INPP4A: variants seen among roughly 807,000 people sequenced by gnomAD.
INPP4A encodes inositol polyphosphate-4-phosphatase type I A.
Under a neutral mutation model 119.8 loss-of-function variants are expected in INPP4A, and 33 were observed. That is an observed-to-expected ratio of 0.28 (90% CI 0.21 to 0.37). The LOEUF (loss-of-function observed/expected upper bound fraction) is 0.37, where lower values mean the gene tolerates loss of function less well. Ranked by LOEUF, INPP4A falls within the 10% of genes least tolerant of loss-of-function variation. INPP4A has a pLI of 1.00. For missense variants in INPP4A, 956 were observed against 1,289.9 expected, an observed-to-expected ratio of 0.74 and a Z score of 3.97; for synonymous variants, 496 against 500.7, an observed-to-expected ratio of 0.99 and a Z score of 0.12.
At chr2:98,530,906 C>G (rs190210961) in intron 4 of INPP4A, among the ~76,000 whole-genome samples, 1 of 152,296 alleles carries the variant, frequency 6.6e-6, no homozygotes, top group East Asian at 1.9e-4. Flanking sequence ...GCTCACAGTT[C>G]TGGAACCTGA....
At chr2:98,448,708 TC>T (rs1386008500) in intron 1 of INPP4A, among the ~76,000 whole-genome samples, 1,924 of 86,086 alleles carry the variant, frequency 0.022, 45 homozygotes, top group African/African-American at 0.067. Flanking sequence ...TCTCTCTCTC[TC>T]TTTTTTTTTT....
chr2:98,446,402 C>T (rs1367027591), intron 1 of INPP4A, among the ~76,000 whole-genome samples: 2 of 151,866 alleles, frequency 1.3e-5, no homozygotes, highest in Non-Finnish European at 2.9e-5. Context: ...ATGATGGGGC[C>T]CATGTAAGAA....
intron 1 of INPP4A, among the ~76,000 whole-genome samples, chr2:98,469,302 G>C (rs1275801826): frequency 1.3e-5 from 2 of 152,038 alleles, no homozygotes; most frequent in Non-Finnish European, 2.9e-5. Context: ...TTCAAGACCA[G>C]CCTGGCCAAG....
chr2:98,446,687 G>A (rs947627329), intron 1 of INPP4A, among the ~76,000 whole-genome samples: 2 of 152,132 alleles, frequency 1.3e-5, no homozygotes, highest in South Asian at 2.1e-4. Flanking sequence ...TACTCATCAT[G>A]TAGCTACTTT....
chr2:98,543,011 C>T (rs1477867509), intron 10 of INPP4A, among the ~76,000 whole-genome samples: 1 of 152,044 alleles, frequency 6.6e-6, no homozygotes, highest in Non-Finnish European at 1.5e-5. Flanking sequence ...GCCCCGCCTC[C>T]CAGGTTCACG....
chr2:98,572,356 C>T (rs905041382), intron 22 of INPP4A, among the ~76,000 whole-genome samples: 11 of 152,328 alleles, frequency 7.2e-5, no homozygotes, highest in Admixed American at 2.0e-4. Context: ...CTGGCATGGG[C>T]CAAGGGCCCC....
rs772771139 is a variant in INPP4A at position 98,591,121 on chromosome 2, C to G, written c.*3513C>G. 1.6e-5 allele frequency: 3 copies of G among 190,082 alleles called. No individual in the cohort carries two copies. Among genetic ancestry groups the G allele is most frequent in the African/African-American group, 2.3e-5 (1 of 42,976 alleles). The allele number at this position is 190,082 out of a possible 1,614,324, so 11.8% of individuals were successfully genotyped here. A position where few individuals can be genotyped will look rare whatever the true frequency, so the allele number is the denominator to read the frequency against. On this transcript the variant is annotated 3_prime_UTR_variant, in exon 25 of 25. Coordinates refer to ENST00000409851, the MANE Select transcript of INPP4A (RefSeq NM_001134225.2). ...GTATTTTAAATGGTTTATGTAGTCA[C>G]ATATACCTGTCTTTCATTTTGATGC...
chr2:98,498,298 T>C (rs780168635), intron 1 of INPP4A, among the ~76,000 whole-genome samples: 9 of 151,936 alleles, frequency 5.9e-5, no homozygotes, highest in Non-Finnish European at 1.0e-4. Flanking sequence ...TCTCATGAGA[T>C]CTGATGGTTT....
At chr2:98,447,365 CT>C (rs3835900) in intron 1 of INPP4A, among the ~76,000 whole-genome samples, 5 of 150,848 alleles carry the variant, frequency 3.3e-5, no homozygotes, top group Admixed American at 3.3e-4. Context: ...TTCGAAACGG[CT>C]TTTTTTTTCA....
chr2:98,506,248 A>G (rs1471836649), intron 1 of INPP4A, among the ~76,000 whole-genome samples: 1 of 152,242 alleles, frequency 6.6e-6, no homozygotes, highest in African/African-American at 2.4e-5. Flanking sequence ...AGCATTTGGT[A>G]GTAGTCGAAT....
chr2:98,500,284 A>T (rs1173684629), intron 1 of INPP4A, among the ~76,000 whole-genome samples: 3 of 152,176 alleles, frequency 2.0e-5, no homozygotes, highest in African/African-American at 7.2e-5. Context: ...AGGTTCCAAC[A>T]GCCAGCAGCT....
At chr2:98,452,408 A>G (rs1321773075) in intron 1 of INPP4A, among the ~76,000 whole-genome samples, 1 of 152,230 alleles carries the variant, frequency 6.6e-6, no homozygotes, top group Non-Finnish European at 1.5e-5. Context: ...CTGTGCTTTA[A>G]GAAGACTTCC....
intron 1 of INPP4A, among the ~76,000 whole-genome samples, chr2:98,511,729 A>G (rs1685156287): frequency 1.3e-5 from 2 of 152,142 alleles, no homozygotes; most frequent in Admixed American, 6.5e-5. Flanking sequence ...AGGCGAGGAA[A>G]CTGATGCACA....
At chr2:98,563,424 A>ATC in intron 17 of INPP4A, 41 bp from the exon 18 acceptor site, 1 of 1,573,186 alleles carries the variant, frequency 6.4e-7, no homozygotes, top group Non-Finnish European at 8.7e-7. Flanking sequence ...AATTCTTAAA[A>ATC]TCTCTCTCTC....
At chr2:98,498,002 C>T (rs998666769) in intron 1 of INPP4A, among the ~76,000 whole-genome samples, 15 of 152,320 alleles carry the variant, frequency 9.8e-5, no homozygotes, top group African/African-American at 2.9e-4. Flanking sequence ...GCAGAAGGGA[C>T]GTGCCTTGTC....
chr2:98,567,530 A>T (rs1377384422), intron 21 of INPP4A, among the ~76,000 whole-genome samples: 1 of 152,158 alleles, frequency 6.6e-6, no homozygotes, highest in Non-Finnish European at 1.5e-5. Context: ...AGGGAAAATG[A>T]TGGTGCCTGC....
intron 17 of INPP4A, among the ~76,000 whole-genome samples, chr2:98,563,240 G>C (rs1695810769): frequency 6.6e-6 from 1 of 152,062 alleles, no homozygotes; most frequent in African/African-American, 2.4e-5. Flanking sequence ...GGCATGTCTT[G>C]GAGGTACCGG....
chr2:98,453,887 A>G (rs2104499759), intron 1 of INPP4A, among the ~76,000 whole-genome samples: 2 of 152,090 alleles, frequency 1.3e-5, no homozygotes, highest in Middle Eastern at 3.4e-3. Flanking sequence ...TGTGTTGATC[A>G]CCTGAGGTCG....
chr2:98,459,479 C>T (rs1696746954), intron 1 of INPP4A, among the ~76,000 whole-genome samples: 1 of 152,204 alleles, frequency 6.6e-6, no homozygotes, highest in Non-Finnish European at 1.5e-5. Context: ...ACCCTCTCCT[C>T]CTTGGTGTGC....
Sources: allele counts gnomAD v4.1 joint callset (sites outside exome capture counted in the v4.1 genomes callset), GRCh38; gene constraint gnomAD v4.1.1; transcripts MANE v1.5; gene names NCBI Gene and HGNC (gene_info 2026-07-23, HGNC 2026-07-21).